The following SLC38A1 variants were observed in gnomAD, a reference collection of about 807,000 sequenced individuals.
The protein encoded by SLC38A1 is sodium-coupled neutral amino acid symporter 1.
In SLC38A1, 18 loss-of-function variants were observed where a neutral mutation model predicts 60.3. That is an observed-to-expected ratio of 0.30 (90% CI 0.21 to 0.44). The LOEUF is 0.44. Among genes scored for constraint, SLC38A1 ranks in the 20% least tolerant of loss-of-function variants. The pLI is 1.00. For synonymous variants in SLC38A1, 196 were observed against 212.1 expected, an observed-to-expected ratio of 0.92 and a Z score of 0.66; for missense variants, 448 against 587.2, an observed-to-expected ratio of 0.76 and a Z score of 2.45.
chr12:46,254,877 A>G (rs574633809), intron 1 of SLC38A1: 3 of 153,156 alleles, frequency 2.0e-5, no homozygotes, highest in African/African-American at 7.2e-5. Context: ...AATTTTGTTC[A>G]GAGGAGTATA....
chr12:46,241,871 A>G (rs1167694221), intron 2 of SLC38A1, among the ~76,000 whole-genome samples: 1 of 152,188 alleles, frequency 6.6e-6, no homozygotes, highest in Non-Finnish European at 1.5e-5. Flanking sequence ...ATAGAAAGTT[A>G]ATTCAGCGGA....
At chr12:46,208,928 T>C in intron 6 of SLC38A1, 126 bp downstream of exon 6, 1 of 688,826 alleles carries the variant, frequency 1.5e-6, no homozygotes, top group South Asian at 1.8e-5. Flanking sequence ...CCAATCACTC[T>C]AGGTCAAAAT....
At chr12:46,267,390 A>C (rs901036838) in intron 1 of SLC38A1, 6 of 152,350 alleles carry the variant, frequency 3.9e-5, no homozygotes, top group Non-Finnish European at 5.9e-5. Context: ...TCTGAATTGT[A>C]GCACCACCTT....
At chr12:46,229,749 GCTCT>G (rs1315295269) in intron 3 of SLC38A1, 110 bp from the exon 4 acceptor site, 23 of 963,210 alleles carry the variant, frequency 2.4e-5, no homozygotes, top group Middle Eastern at 5.3e-4. Context: ...TTACCAATCA[GCTCT>G]CTAAGAGTTT....
At chr12:46,222,353 A>G (rs1940693579) in intron 5 of SLC38A1, among the ~76,000 whole-genome samples, 1 of 152,132 alleles carries the variant, frequency 6.6e-6, no homozygotes, top group African/African-American at 2.4e-5. Flanking sequence ...ACCACTGCCA[A>G]CAGTTCTCTT....
At chr12:46,230,379 T>C (rs1414629239) in intron 3 of SLC38A1, among the ~76,000 whole-genome samples, 1 of 152,186 alleles carries the variant, frequency 6.6e-6, no homozygotes, top group African/African-American at 2.4e-5. Context: ...AGCCAAGGCT[T>C]TGAGAAAGCA....
chr12:46,229,288 T>G lies in SLC38A1; in HGVS notation c.199-20A>C. The G allele has an allele frequency of 1.3e-6, 2 of 1,517,404 alleles. No homozygotes were observed. The highest frequency in any genetic ancestry group is 1.8e-6 in the Non-Finnish European group (2 of 1,094,496). The allele number at this position is 1,517,404 out of a possible 1,614,324, so 94.0% of individuals were successfully genotyped here. A position where few individuals can be genotyped will look rare whatever the true frequency, so the allele number is the denominator to read the frequency against. Reference sequence around the variant, plus strand: ...TGGAATCTGAACAAAGAAACAAACATTGACACTAAGCAAAATAATCCCCAA... The same window carrying G: ...TGGAATCTGAACAAAGAAACAAACAGTGACACTAAGCAAAATAATCCCCAA... On this transcript the variant is annotated intron_variant, in intron 4 of 16. Transcript: ENST00000398637.
chr12:46,189,767 T>A (rs940334947), intron 16 of SLC38A1, among the ~76,000 whole-genome samples: 2 of 152,082 alleles, frequency 1.3e-5, no homozygotes, highest in African/African-American at 4.8e-5. Context: ...TCTCATGAGA[T>A]CTGGTGGTTT....
chr12:46,230,856 T>G (rs1941048462), intron 3 of SLC38A1, among the ~76,000 whole-genome samples: 1 of 152,172 alleles, frequency 6.6e-6, no homozygotes, highest in African/African-American at 2.4e-5. Context: ...GGTGGGAACT[T>G]AAATTAAGAC....
At chr12:46,230,751 T>A (rs1031392587) in intron 3 of SLC38A1, among the ~76,000 whole-genome samples, 1 of 152,160 alleles carries the variant, frequency 6.6e-6, no homozygotes, top group African/African-American at 2.4e-5. Flanking sequence ...AATTTCTAAT[T>A]TAAAAAAATT....
chr12:46,236,992 TA>T (rs150532787), intron 3 of SLC38A1, among the ~76,000 whole-genome samples: 71 of 152,296 alleles, frequency 4.7e-4, no homozygotes, highest in African/African-American at 1.6e-3. Context: ...GGGCATGAAA[TA>T]AAACAACTGA....
chr12:46,228,925 A>G (rs899154116), intron 5 of SLC38A1, among the ~76,000 whole-genome samples: 1 of 152,214 alleles, frequency 6.6e-6, no homozygotes, highest in African/African-American at 2.4e-5. Context: ...ACAAATGCTT[A>G]TTTCAGTATT....
At chr12:46,243,012 G>A (rs1447414096) in intron 2 of SLC38A1, among the ~76,000 whole-genome samples, 188 bp downstream of exon 2, 1 of 151,220 alleles carries the variant, frequency 6.6e-6, no homozygotes, top group Non-Finnish European at 1.5e-5. Flanking sequence ...TTTTTTCATT[G>A]AGTATCATAT....
intron 5 of SLC38A1, among the ~76,000 whole-genome samples, chr12:46,211,020 C>T (rs1326724263): frequency 6.6e-6 from 1 of 152,208 alleles, no homozygotes; most frequent in Non-Finnish European, 1.5e-5. Flanking sequence ...ATTTGATATG[C>T]TCTGCCACAG....
In SLC38A1 at chr12:46,187,018, A is replaced by G. The variant is rs1938960091; in HGVS notation, c.*1952T>C. On this transcript the variant is annotated 3_prime_UTR_variant, in exon 17 of 17. Transcript: ENST00000398637. ...TATAATATGGAAAACATTGCTGAAA[A>G]GAACAGAGATGGCCATGGATATGGC... is the stretch of plus-strand genomic sequence containing the variant. 6.6e-6 allele frequency: 1 copy of G among 152,240 alleles called. No individual in the cohort carries two copies. Among genetic ancestry groups the G allele is most frequent in the South Asian group, 2.1e-4 (1 of 4,828 alleles). 9.4% of individuals were successfully genotyped at this position (152,240 alleles called of 1,614,324 possible). A position where few individuals can be genotyped will look rare whatever the true frequency, so the allele number is the denominator to read the frequency against.
At chr12:46,265,088 T>G (rs1942311788) in intron 1 of SLC38A1, among the ~76,000 whole-genome samples, 1 of 152,244 alleles carries the variant, frequency 6.6e-6, no homozygotes, top group Non-Finnish European at 1.5e-5. Context: ...ACATATGGAA[T>G]GCTAACACTA....
At chr12:46,224,746 T>C (rs1268065876) in intron 5 of SLC38A1, among the ~76,000 whole-genome samples, 4 of 152,212 alleles carry the variant, frequency 2.6e-5, no homozygotes, top group African/African-American at 9.7e-5. Flanking sequence ...CTAAGTTTAG[T>C]GAGAAACTTA....
intron 5 of SLC38A1, among the ~76,000 whole-genome samples, chr12:46,212,462 C>T (rs192617154): frequency 4.2e-4 from 64 of 152,308 alleles, no homozygotes; most frequent in African/African-American, 1.5e-3. Flanking sequence ...GATAATAGGG[C>T]TGCCAAGGTG....
At chr12:46,245,677 A>T (rs576070825) in intron 1 of SLC38A1, among the ~76,000 whole-genome samples, 1 of 152,284 alleles carries the variant, frequency 6.6e-6, no homozygotes, top group East Asian at 1.9e-4. Context: ...GAGCCTGGGG[A>T]GGTCAAGACT....
Sources: gnomAD v4.1 joint callset for allele counts (sites outside exome capture counted in the v4.1 genomes callset) on GRCh38, gnomAD v4.1.1 for gene constraint, MANE v1.5 for transcripts, NCBI Gene and HGNC (gene_info 2026-07-23, HGNC 2026-07-21) for gene names.